Variants in KCNQ2 observed in about 807,000 individuals in gnomAD.
KCNQ2 encodes the protein potassium voltage-gated channel subfamily KQT member 2.
A neutral mutation model predicts 84.8 loss-of-function variants in KCNQ2; 14 were observed. That is an observed-to-expected ratio of 0.17 (90% CI 0.11 to 0.26). The LOEUF (loss-of-function observed/expected upper bound fraction) is 0.26. KCNQ2 is among the 10% of genes least tolerant of loss of function. The pLI, the probability that KCNQ2 is intolerant of heterozygous loss-of-function variation, is 1.00. For missense variants in KCNQ2, 788 were observed against 1,254.0 expected, an observed-to-expected ratio of 0.63 and a Z score of 5.61; for synonymous variants, 599 against 554.1, an observed-to-expected ratio of 1.08 and a Z score of -1.14.
At chr20:63,448,665 T>A (rs2081509259) in intron 1 of KCNQ2, 1 of 152,220 alleles carries the variant, frequency 6.6e-6, no homozygotes, top group South Asian at 2.1e-4. Context: ...CCGGGCAGTG[T>A]CCCCGCTCCC....
At chr20:63,469,078 G>A (rs970720854) in intron 1 of KCNQ2, among the ~76,000 whole-genome samples, 8 of 152,252 alleles carry the variant, frequency 5.3e-5, no homozygotes, top group Non-Finnish European at 8.8e-5. Flanking sequence ...GTTCAACTCC[G>A]TGGTGGAGCA....
intron 7 of KCNQ2, among the ~76,000 whole-genome samples, chr20:63,436,165 G>A (rs1260627393): frequency 1.3e-5 from 2 of 152,138 alleles, no homozygotes; most frequent in South Asian, 2.1e-4. Context: ...CAACAGAATC[G>A]CATGCTGCAG....
Position 63,446,898 on chromosome 20 carries a change from C to G in KCNQ2, c.297-61G>C. ...CAGCAGGGCAGCAGCATGGCTGTGT[C>G]TCCAGAACTCAGGACCCCACTCCCC... On this transcript the variant is annotated intron_variant, in intron 1 of 16. Transcript: ENST00000359125. This position sits in a 1 kb window ranked among gnomAD's most constrained non-coding sequence, Gnocchi z 5.5. The G allele has an allele frequency of 1.4e-6, 2 of 1,460,752 alleles. 1 individual carries two copies. The highest frequency in any genetic ancestry group is 2.3e-5 in the South Asian group (2 of 88,004). 90.5% of individuals were successfully genotyped at this position (1,460,752 alleles called of 1,614,324 possible). A position where few individuals can be genotyped will look rare whatever the true frequency, so the allele number is the denominator to read the frequency against.
At chr20:63,430,850 G>A (rs970930969) in intron 9 of KCNQ2, among the ~76,000 whole-genome samples, 2 of 152,218 alleles carry the variant, frequency 1.3e-5, no homozygotes, top group Admixed American at 6.5e-5. Flanking sequence ...GCCACGGTGG[G>A]ACAAGGACTG....
intron 5 of KCNQ2, among the ~76,000 whole-genome samples, chr20:63,440,961 T>TTTTG (rs891369222): frequency 1.5e-4 from 22 of 149,940 alleles, no homozygotes; most frequent in Middle Eastern, 3.4e-3. Flanking sequence ...AGGCGTGGTT[T>TTTTG]TTTGTTTGTT....
chr20:63,442,342 G>C (rs2081184801), intron 5 of KCNQ2, 64 bp downstream of exon 5: 2 of 1,612,186 alleles, frequency 1.2e-6, no homozygotes, highest in Non-Finnish European at 1.7e-6. Flanking sequence ...TGAGAGCCTG[G>C]TCCCAGCACA....
rs754279476 is a variant in KCNQ2, at chr20:63,407,148, C to G, written c.2115G>C (p.Pro705=). 2.5e-6 allele frequency: 4 copies of G among 1,580,960 alleles called. No homozygotes were observed. Among genetic ancestry groups the G allele is most frequent in the South Asian group, 1.1e-5 (1 of 88,012 alleles). ...GCGGACACTGGACAGGGGGCGCGGC[C>G]GGGGGCGCCGAGAAGTTCTTCTGGC... is the stretch of plus-strand genomic sequence containing the variant. ...STGQKNFSAP[P]AAPPVQCPPS... is the part of the protein sequence containing the mutation. Residue 705 remains proline (P), a synonymous_variant, in exon 17 of 17, where the codon CCG becomes CCC. Transcript: ENST00000359125. This position sits in a 1 kb window ranked among gnomAD's most constrained non-coding sequence, Gnocchi z 7.2.
chr20:63,424,317 G>T, intron 10 of KCNQ2, 111 bp from the exon 11 acceptor site: 2 of 1,302,496 alleles, frequency 1.5e-6, no homozygotes, highest in Admixed American at 4.0e-5. Context: ...CAGGGGAGGG[G>T]GGTCTCAGAA....
rs541435022 is a variant in KCNQ2, at chr20:63,443,083, AC to A, written c.691-553del. Among the ~76,000 whole-genome samples, 8 of 49,204 alleles carry A rather than the reference AC, an allele frequency of 1.6e-4. No individual in the cohort carries two copies. In the East Asian group the frequency reaches 8.2e-3, roughly 50 times the overall value. 32.3% of individuals were successfully genotyped at this position (49,204 alleles called of 152,430 possible). On this transcript the variant is annotated intron_variant, in intron 4 of 16. Transcript: ENST00000359125. ...CACCATCACCATTATCACCACCACCACCATTATCACCACCATCACCATCACC... is the reference window on the plus strand; with the variant it reads ...CACCATCACCATTATCACCACCACCACATTATCACCACCATCACCATCACC...
Position 63,446,902 on chromosome 20 carries a change from A to G in KCNQ2, c.297-65T>C. On this transcript the variant is annotated intron_variant, in intron 1 of 16. Transcript: ENST00000359125. This position sits in a 1 kb window ranked among gnomAD's most constrained non-coding sequence, Gnocchi z 5.5. Reference sequence around the variant, plus strand: ...AGGGCAGCAGCATGGCTGTGTCTCCAGAACTCAGGACCCCACTCCCCACCA... The same window carrying G: ...AGGGCAGCAGCATGGCTGTGTCTCCGGAACTCAGGACCCCACTCCCCACCA... 1.4e-6 allele frequency: 2 copies of G among 1,413,072 alleles called. No individual in the cohort carries two copies. Among genetic ancestry groups the G allele is most frequent in the South Asian group, 1.1e-5 (1 of 87,092 alleles). 87.5% of individuals were successfully genotyped at this position (1,413,072 alleles called of 1,614,324 possible).
intron 1 of KCNQ2, among the ~76,000 whole-genome samples, chr20:63,461,331 G>A (rs1289421751): frequency 2.0e-5 from 3 of 152,158 alleles, no homozygotes; most frequent in Admixed American, 6.5e-5. Flanking sequence ...CAGATAAGCT[G>A]GCTCAGTGCT....
intron 1 of KCNQ2, among the ~76,000 whole-genome samples, chr20:63,453,125 T>C (rs1007059273): frequency 6.6e-6 from 1 of 151,128 alleles, no homozygotes; most frequent in Non-Finnish European, 1.5e-5. Flanking sequence ...CGCCCCGCGG[T>C]GGACGTCGGC....
At chr20:63,437,579 C>T (rs139718919) in intron 7 of KCNQ2, among the ~76,000 whole-genome samples, 12 of 152,354 alleles carry the variant, frequency 7.9e-5, no homozygotes, top group Admixed American at 2.6e-4. Context: ...GCTTTCCCCT[C>T]CTCTGTGTCA....
At chr20:63,451,767 G>A (rs539703878) in intron 1 of KCNQ2, among the ~76,000 whole-genome samples, 102 of 152,200 alleles carry the variant, frequency 6.7e-4, no homozygotes, top group African/African-American at 2.4e-3. Flanking sequence ...ATGGCCCCCT[G>A]CAGCCCCCCT....
rs73146513 is a variant in KCNQ2 at position 63,431,530 on chromosome 20, G to A, written c.1119-161C>T. On this transcript the variant is annotated intron_variant, in intron 8 of 16. Transcript: ENST00000359125. ...TGGTTCTGTCCCTGCCCTGGGCTGA[G>A]AGAGGTCACTTTGCAGAAACAAGGG... Among the ~76,000 whole-genome samples the A allele has an allele frequency of 0.12, 18,405 of 152,098 alleles. 2,239 individuals carry two copies. Among genetic ancestry groups the A allele is most frequent in the East Asian group, 0.56 (2,869 of 5,162 alleles).
chr20:63,433,993 G>T (rs1337105012), intron 7 of KCNQ2, 90 bp from the exon 8 acceptor site: 4 of 1,132,454 alleles, frequency 3.5e-6, no homozygotes, highest in Non-Finnish European at 3.9e-6. Context: ...GGGGCAGAGG[G>T]GACCCCCATG....
chr20:63,442,538 G>A lies in KCNQ2; in HGVS notation c.691-7C>T, dbSNP rs1347840693. 3.1e-6 allele frequency: 5 copies of A among 1,612,720 alleles called. No homozygotes were observed. Among genetic ancestry groups the A allele is most frequent in the South Asian group, 2.2e-5 (2 of 91,042 alleles). ...ACCAGGCAGTGACCAGCTCCTGAGA[G>A]GCAGACGGCACCACCATCATGACCA... is the stretch of plus-strand genomic sequence containing the variant. On this transcript the variant is annotated splice_region_variant and splice_polypyrimidine_tract_variant and intron_variant, in intron 4 of 16. Transcript: ENST00000359125.
At chr20:63,454,538 C>A (rs1307792462) in intron 1 of KCNQ2, among the ~76,000 whole-genome samples, 3 of 152,224 alleles carry the variant, frequency 2.0e-5, no homozygotes, top group Non-Finnish European at 4.4e-5. Context: ...AAGAAACCTC[C>A]AAACTGCGGA....
At chr20:63,469,110 C>G (rs914468) in intron 1 of KCNQ2, among the ~76,000 whole-genome samples, 75,019 of 152,174 alleles carry the variant, frequency 0.49, 19,174 homozygotes, top group Middle Eastern at 0.57. Context: ...CAGTCCTATG[C>G]GCAGATGGGC....
Sources: gnomAD v4.1 joint callset for allele counts (sites outside exome capture counted in the v4.1 genomes callset) on GRCh38, gnomAD v4.1.1 for gene constraint, Gnocchi (gnomAD v3.1) non-coding constraint, MANE v1.5 for transcripts, NCBI Gene and HGNC (gene_info 2026-07-23, HGNC 2026-07-21) for gene names.